PAAF1: variants seen among roughly 807,000 people sequenced by gnomAD.
PAAF1 encodes proteasomal ATPase associated factor 1, also known as proteasomal ATPase-associated factor 1.
PAAF1 carries 46 observed loss-of-function variants against 52.8 expected under a neutral mutation model. That is an observed-to-expected ratio of 0.87 (90% CI 0.69 to 1.11). The LOEUF is 1.11. PAAF1 is among the 50% of genes most tolerant of loss of function. PAAF1 has a pLI of 0.00. For missense variants in PAAF1, 424 were observed against 477.4 expected (o/e 0.89, Z 1.04); for synonymous variants, 178 against 172.8 (o/e 1.03, Z -0.24).
At chr11:73,882,124 G>C (rs1021767238) in intron 2 of PAAF1, among the ~76,000 whole-genome samples, 1 of 151,020 alleles carries the variant, frequency 6.6e-6, no homozygotes, top group Non-Finnish European at 1.5e-5. Context: ...CAGGTGACCC[G>C]CCTGCCTCAG....
chr11:73,896,922 G>T lies in PAAF1; in HGVS notation c.283-2224G>T, dbSNP rs549752011. The stretch of plus-strand genomic sequence containing the variant: ...CCCGGACGGGGCGGCTGGCCGGACG[G>T]GGGGGCTGACCCCCCAGACCTCCCT... On this transcript the variant is annotated intron_variant, in intron 4 of 11. Transcript: ENST00000310571. Among the ~76,000 whole-genome samples, 1,254 of 149,084 alleles carry T rather than the reference G, an allele frequency of 8.4e-3. 27 individuals are homozygous for T. Among genetic ancestry groups the T allele is most frequent in the Middle Eastern group, 0.026 (7 of 272 alleles).
chr11:73,925,308 A>G (rs896810913), intron 11 of PAAF1, among the ~76,000 whole-genome samples: 1 of 151,776 alleles, frequency 6.6e-6, no homozygotes, highest in African/African-American at 2.4e-5. Context: ...AAATACAGAA[A>G]AATTAGCTGG....
At chr11:73,910,903 T>C (rs2135203647) in intron 7 of PAAF1, among the ~76,000 whole-genome samples, 1 of 149,330 alleles carries the variant, frequency 6.7e-6, no homozygotes, top group Admixed American at 6.8e-5. Context: ...GGCAGGAGAA[T>C]CGTGTGAACC....
At chr11:73,892,893 CT>C (rs1259624392) in intron 4 of PAAF1, among the ~76,000 whole-genome samples, 1 of 152,150 alleles carries the variant, frequency 6.6e-6, no homozygotes, top group East Asian at 1.9e-4. Flanking sequence ...ATCTCCTGAC[CT>C]TGTGATCCGC....
intron 2 of PAAF1, among the ~76,000 whole-genome samples, chr11:73,885,795 T>G (rs952510586): frequency 6.9e-6 from 1 of 144,832 alleles, no homozygotes; most frequent in African/African-American, 2.6e-5. Flanking sequence ...TGAGCTGAGA[T>G]CACGCCATTG....
At chr11:73,925,845 T>C (rs1020120840) in intron 11 of PAAF1, among the ~76,000 whole-genome samples, 22 of 152,206 alleles carry the variant, frequency 1.4e-4, no homozygotes, top group African/African-American at 5.3e-4. Flanking sequence ...ATGATACAGA[T>C]TTAAAAGTCT....
chr11:73,914,380 C>G (rs770818038), intron 7 of PAAF1, 33 bp from the exon 8 acceptor site: 1 of 1,596,290 alleles, frequency 6.3e-7, no homozygotes, highest in Admixed American at 1.7e-5. Flanking sequence ...TGATCAGCCT[C>G]ACTGTTATTA....
rs1565158527 is a variant in PAAF1, at chr11:73,929,395, G to A, written c.*2033G>A. The A allele has an allele frequency of 6.6e-6, 1 of 151,978 alleles. No homozygotes were observed. The highest frequency in any genetic ancestry group is 6.6e-5 in the Admixed American group (1 of 15,248). 9.4% of individuals were successfully genotyped at this position (151,978 alleles called of 1,614,324 possible). On this transcript the variant is annotated 3_prime_UTR_variant, in exon 12 of 12. Transcript: ENST00000310571. ...ATCCCATTTTTTTCTACAACACCCT[G>A]TTACTTAAACCAAAGTGTAAAAAGA...
chr11:73,896,799 A>G (rs1949383385), intron 4 of PAAF1, among the ~76,000 whole-genome samples: 1 of 152,038 alleles, frequency 6.6e-6, no homozygotes, highest in South Asian at 2.1e-4. Context: ...GCCCGTTCTC[A>G]ATGAGCTGTT....
chr11:73,896,567 C>T (rs11235945), intron 4 of PAAF1, among the ~76,000 whole-genome samples: 12,307 of 150,648 alleles, frequency 0.082, 604 homozygotes, highest in South Asian at 0.24. Flanking sequence ...TTAATCCATT[C>T]AACCCTGAGT....
chr11:73,917,296 G>T (rs1362185321), intron 9 of PAAF1, among the ~76,000 whole-genome samples: 2 of 152,104 alleles, frequency 1.3e-5, no homozygotes, highest in Non-Finnish European at 2.9e-5. Context: ...TGGGATTACA[G>T]GCATGAGCCA....
rs774454889 is a variant in PAAF1 at position 73,928,636 on chromosome 11, A to T, written c.*1274A>T. On this transcript the variant is annotated 3_prime_UTR_variant, in exon 12 of 12. Coordinates refer to ENST00000310571, the MANE Select transcript of PAAF1 (RefSeq NM_025155.3). ...AGAAAAGTTTCTTGAAAGATGTAAC[A>T]CTTGAGCTGGGACATGCAGATTAAG... 1 of 152,220 alleles carries T rather than the reference A, an allele frequency of 6.6e-6. No individual in the cohort carries two copies. Among genetic ancestry groups the T allele is most frequent in the East Asian group, 1.9e-4 (1 of 5,204 alleles). The allele number at this position is 152,220 out of a possible 1,614,324, so 9.4% of individuals were successfully genotyped here. A position where few individuals can be genotyped will look rare whatever the true frequency, so the allele number is the denominator to read the frequency against.
At chr11:73,880,628 A>T (rs910734185) in intron 2 of PAAF1, 1 of 133,692 alleles carries the variant, frequency 7.5e-6, no homozygotes. Context: ...CGGGGCTTGC[A>T]GTGAGACCAG....
At chr11:73,895,959 A>G (rs528864743) in intron 4 of PAAF1, among the ~76,000 whole-genome samples, 26 of 152,310 alleles carry the variant, frequency 1.7e-4, no homozygotes, top group Admixed American at 4.6e-4. Context: ...AAAGTTAAAA[A>G]ATTAGCTGGA....
chr11:73,911,925 G>A (rs1311862069), intron 7 of PAAF1, among the ~76,000 whole-genome samples: 1 of 151,944 alleles, frequency 6.6e-6, no homozygotes, highest in Non-Finnish European at 1.5e-5. Flanking sequence ...TGAGCTATGG[G>A]CCCCAGCCAC....
At chr11:73,900,509 A>G (rs564306572) in intron 6 of PAAF1, 89 bp downstream of exon 6, 3 of 1,401,932 alleles carry the variant, frequency 2.1e-6, no homozygotes, top group Non-Finnish European at 2.9e-6. Flanking sequence ...TTTATTCACA[A>G]ATACACAAAT....
At chr11:73,892,486 C>T (rs1949227405) in intron 4 of PAAF1, among the ~76,000 whole-genome samples, 1 of 152,080 alleles carries the variant, frequency 6.6e-6, no homozygotes, top group Admixed American at 6.6e-5. Context: ...TGTTGTATAT[C>T]CCTTTTAAAT....
At position 73,894,394 on chromosome 11, in the gene PAAF1, C is replaced by G. The variant is rs535161372; in HGVS notation, c.282+3193C>G. Among the ~76,000 whole-genome samples the G allele has an allele frequency of 2.0e-5, 3 of 152,204 alleles. No individual in the cohort carries two copies. The South Asian group carries it at 6.2e-4, about 32-fold the overall frequency. ...GTGGCTCACACCTGTAATCCCATCA[C>G]TTTGGGAGGCTGGGGTGGGCAGATC... is the stretch of plus-strand genomic sequence containing the variant. On this transcript the variant is annotated intron_variant, in intron 4 of 11. Transcript: ENST00000310571.
chr11:73,887,788 C>T (rs935423162), intron 3 of PAAF1, among the ~76,000 whole-genome samples: 5 of 152,110 alleles, frequency 3.3e-5, no homozygotes, highest in African/African-American at 9.7e-5. Flanking sequence ...CTTGCTCTGT[C>T]GCCCAGGCTG....
Sources: gnomAD v4.1 joint callset for allele counts (sites outside exome capture counted in the v4.1 genomes callset) on GRCh38, gnomAD v4.1.1 for gene constraint, MANE v1.5 for transcripts, NCBI Gene and HGNC (gene_info 2026-07-23, HGNC 2026-07-21) for gene names.